TSGA10: variants seen among roughly 807,000 people sequenced by gnomAD.
TSGA10 encodes the protein testis specific 10.
TSGA10 carries 43 observed loss-of-function variants against 96.6 expected under a neutral mutation model. The ratio of observed to expected loss-of-function variants is 0.44; its 90% CI spans 0.35 to 0.57. TSGA10 has a LOEUF of 0.57. TSGA10 is among the 20% of genes least tolerant of loss of function. The pLI is 0.01. For synonymous variants in TSGA10, 229 were observed against 269.9 expected, an observed-to-expected ratio of 0.85 and a Z score of 1.48; for missense variants, 703 against 834.4, an observed-to-expected ratio of 0.84 and a Z score of 1.94.
At chr2:99,148,411 T>C (rs1422229988) in intron 1 of TSGA10, 2 of 152,188 alleles carry the variant, frequency 1.3e-5, no homozygotes, top group African/African-American at 4.8e-5. Context: ...TTTAGCTAAG[T>C]TGTATTTGAG....
At chr2:99,009,564 CCT>C (rs1339063289) in intron 20 of TSGA10, among the ~76,000 whole-genome samples, 1 of 132,604 alleles carries the variant, frequency 7.5e-6, no homozygotes, top group African/African-American at 3.0e-5. Context: ...AGAGCGAGAC[CCT>C]GTCTCAAAAA....
chr2:99,074,953 C>CA (rs747521749), intron 12 of TSGA10, among the ~76,000 whole-genome samples: 2,825 of 110,776 alleles, frequency 0.026, 21 homozygotes, highest in Non-Finnish European at 0.032. Context: ...GACTCCGTCT[C>CA]AAAAAAAAAA....
intron 1 of TSGA10, among the ~76,000 whole-genome samples, chr2:99,139,827 C>T (rs1243498634): frequency 6.6e-6 from 1 of 152,054 alleles, no homozygotes; most frequent in Non-Finnish European, 1.5e-5. Context: ...TGATGTGAAA[C>T]ATTAAGGAAA....
At chr2:99,000,335 C>T (rs898135507) in intron 20 of TSGA10, among the ~76,000 whole-genome samples, 2 of 138,650 alleles carry the variant, frequency 1.4e-5, no homozygotes, top group Non-Finnish European at 1.5e-5. Context: ...TGGCAAACCC[C>T]GTCTCTACTG....
In TSGA10 at chr2:99,035,237, A is replaced by G. The variant is rs1335078696; in HGVS notation, c.1607T>C (p.Ile536Thr). 6.2e-7 allele frequency: 1 copy of G among 1,605,046 alleles called. No individual in the cohort carries two copies. Among genetic ancestry groups the G allele is most frequent in the Non-Finnish European group, 8.5e-7 (1 of 1,175,278 alleles). ...NRQLVAKDQE[I>T]EMRENELDSA... is the part of the protein sequence containing the mutation. ...TTAAAATATATTACATACCATTTCT[A>G]TTTCTTGATCTTTAGCAACCAGCTG... Residue 536 changes from isoleucine to threonine, a missense_variant, in exon 17 of 21, where the codon ATA (isoleucine) becomes ACA (threonine). By Grantham distance (89) the Ile-to-Thr change is moderately conservative (BLOSUM62 -1). Around this residue, in one of 3 missense-constraint regions of TSGA10, gnomAD observed 585 missense variants for 656.8 expected, o/e 0.89. Coordinates refer to ENST00000393483, the MANE Select transcript of TSGA10 (RefSeq NM_025244.4).
At chr2:99,143,773 G>A (rs1445229447) in intron 1 of TSGA10, among the ~76,000 whole-genome samples, 1 of 151,950 alleles carries the variant, frequency 6.6e-6, no homozygotes, top group Non-Finnish European at 1.5e-5. Context: ...GCCTGGCCCA[G>A]GCTAAGCCTT....
chr2:99,131,567 C>G (rs1254489127), intron 1 of TSGA10, among the ~76,000 whole-genome samples: 1 of 152,158 alleles, frequency 6.6e-6, no homozygotes, highest in South Asian at 2.1e-4. Flanking sequence ...CATCTGCAAA[C>G]AGAGACAATT....
intron 9 of TSGA10, among the ~76,000 whole-genome samples, chr2:99,104,851 T>C (rs2091173432): frequency 6.6e-6 from 1 of 152,244 alleles, no homozygotes; most frequent in Non-Finnish European, 1.5e-5. Flanking sequence ...TATTTGGTAA[T>C]AGAAAGTTAA....
intron 10 of TSGA10, among the ~76,000 whole-genome samples, chr2:99,098,100 G>T (rs1006931675): frequency 2.6e-5 from 4 of 151,970 alleles, no homozygotes; most frequent in Admixed American, 6.6e-5. Flanking sequence ...TATACCTAAA[G>T]AAGTATTTTG....
At chr2:99,022,630 T>C (rs2080150212) in intron 17 of TSGA10, among the ~76,000 whole-genome samples, 1 of 152,194 alleles carries the variant, frequency 6.6e-6, no homozygotes, top group African/African-American at 2.4e-5. Flanking sequence ...TTGGGACTAT[T>C]ATAAATAATA....
intron 4 of TSGA10, among the ~76,000 whole-genome samples, chr2:99,115,705 C>T (rs1428752243): frequency 6.6e-6 from 1 of 152,006 alleles, no homozygotes; most frequent in Non-Finnish European, 1.5e-5. Flanking sequence ...CATGATGAAA[C>T]CCTATTTCTA....
At chr2:99,068,447 A>G (rs965104463) in intron 15 of TSGA10, among the ~76,000 whole-genome samples, 2 of 152,186 alleles carry the variant, frequency 1.3e-5, no homozygotes, top group Non-Finnish European at 2.9e-5. Flanking sequence ...GTGCCTGGTC[A>G]AATGATTGCT....
At chr2:99,014,497 T>C (rs1454105626) in intron 20 of TSGA10, among the ~76,000 whole-genome samples, 3 of 152,158 alleles carry the variant, frequency 2.0e-5, no homozygotes, top group African/African-American at 7.2e-5. Context: ...AAAGTAGTAC[T>C]AAGAGAAAAG....
At chr2:99,105,309 C>T (rs770792310) in intron 9 of TSGA10, 50 bp downstream of exon 9, 1 of 1,455,806 alleles carries the variant, frequency 6.9e-7, no homozygotes, top group South Asian at 1.2e-5. Flanking sequence ...AAGGGGAAAG[C>T]CATTGAGTGT....
intron 1 of TSGA10, chr2:99,150,734 G>A (rs1414154997): frequency 6.2e-7 from 1 of 1,613,974 alleles, no homozygotes; most frequent in Non-Finnish European, 8.5e-7. Flanking sequence ...AACTTTACAA[G>A]GATTGAAGGG....
chr2:99,140,119 A>T (rs1343803978), intron 1 of TSGA10, among the ~76,000 whole-genome samples: 1 of 152,222 alleles, frequency 6.6e-6, no homozygotes, highest in Non-Finnish European at 1.5e-5. Context: ...AGCTGCCATT[A>T]AATAATGCCA....
At chr2:99,126,996 T>C in intron 2 of TSGA10, 52 bp downstream of exon 2, 2 of 1,272,476 alleles carry the variant, frequency 1.6e-6, no homozygotes, top group South Asian at 2.6e-5. Context: ...TGTTTCAAAA[T>C]AGGCTCCCAC....
At chr2:99,080,201 CCATT>C (rs1480078433) in intron 11 of TSGA10, among the ~76,000 whole-genome samples, 1 of 152,208 alleles carries the variant, frequency 6.6e-6, no homozygotes, top group African/African-American at 2.4e-5. Flanking sequence ...ATCCAACACT[CCATT>C]CAAACTTTTT....
intron 16 of TSGA10, among the ~76,000 whole-genome samples, chr2:99,035,960 G>C (rs2105087708): frequency 6.6e-6 from 1 of 152,076 alleles, no homozygotes; most frequent in East Asian, 1.9e-4. Context: ...AAGAGACTAA[G>C]GGCAAGTATA....
Sources: gnomAD v4.1 joint callset for allele counts (sites outside exome capture counted in the v4.1 genomes callset) on GRCh38, gnomAD v4.1.1 for gene constraint, gnomAD v4.1.1 regional missense constraint, MANE v1.5 for transcripts, NCBI Gene and HGNC (gene_info 2026-07-23, HGNC 2026-07-21) for gene names.